Variants in ABCG1 observed in about 807,000 individuals in gnomAD.
ABCG1 encodes ATP-binding cassette sub-family G member 1.
In ABCG1, 29 loss-of-function variants were observed where a neutral mutation model predicts 69.2. The ratio of observed to expected loss-of-function variants is 0.42; its 90% CI spans 0.31 to 0.57. ABCG1 has a LOEUF of 0.57. Among genes scored for constraint, ABCG1 ranks in the 20% least tolerant of loss-of-function variants. The pLI, the probability that ABCG1 is intolerant of heterozygous loss-of-function variation, is 0.15. For synonymous variants in ABCG1, 370 were observed against 374.8 expected, an observed-to-expected ratio of 0.99 and a Z score of 0.15; for missense variants, 718 against 898.1, an observed-to-expected ratio of 0.80 and a Z score of 2.56.
chr21:42,243,445 CGCGTGT>C (rs57323059), intron 2 of ABCG1, among the ~76,000 whole-genome samples: 3,252 of 79,666 alleles, frequency 0.041, 45 homozygotes, highest in East Asian at 0.085. Context: ...CGTGTGTGTG[CGCGTGT>C]GTGTGTGTGT....
At chr21:42,293,673 CCACACTA>C (rs1465190929) in intron 13 of ABCG1, among the ~76,000 whole-genome samples, 5 of 144,572 alleles carry the variant, frequency 3.5e-5, no homozygotes, top group East Asian at 4.3e-4. Context: ...TACACACGCA[CCACACTA>C]CACACTACAC....
intron 2 of ABCG1, among the ~76,000 whole-genome samples, chr21:42,248,579 G>A (rs1226680424): frequency 2.6e-5 from 4 of 152,084 alleles, no homozygotes; most frequent in South Asian, 4.1e-4. Flanking sequence ...TGACCCAAAT[G>A]CTCATTGAAA....
Position 42,219,226 on chromosome 21 carries a change from C to T in ABCG1, c.-37C>T, listed in dbSNP as rs1247954761. ...CCCCGCAGCTCAAGCCTCGTCCCCG[C>T]CGCCGCCGCCGCCGCCGCCGCCGCC... On this transcript the variant is annotated 5_prime_UTR_variant, in exon 1 of 15. Coordinates refer to ENST00000398449, the MANE Select transcript of ABCG1 (RefSeq NM_016818.3). The surrounding 1 kb of genome is among the most constrained non-coding windows in gnomAD (Gnocchi z 5.3). 2 of 1,078,494 alleles carry T rather than the reference C, an allele frequency of 1.9e-6. No individual in the cohort carries two copies. Among genetic ancestry groups the T allele is most frequent in the Non-Finnish European group, 2.4e-6 (2 of 836,780 alleles). 66.8% of individuals were successfully genotyped at this position (1,078,494 alleles called of 1,614,324 possible). A position where few individuals can be genotyped will look rare whatever the true frequency, so the allele number is the denominator to read the frequency against.
intron 2 of ABCG1, among the ~76,000 whole-genome samples, chr21:42,254,748 A>C (rs946063282): frequency 2.0e-5 from 3 of 152,220 alleles, no homozygotes; most frequent in African/African-American, 4.8e-5. Flanking sequence ...TTCTGCCTTG[A>C]GCTTTCTCTT....
chr21:42,207,794 G>A (rs553218636), intron 2 of ABCG1, among the ~76,000 whole-genome samples: 1 of 152,184 alleles, frequency 6.6e-6, no homozygotes, highest in East Asian at 1.9e-4. Context: ...GCTGGGGGAG[G>A]TAGAAGACCT....
chr21:42,245,841 G>A (rs1175780856), intron 2 of ABCG1, among the ~76,000 whole-genome samples: 1 of 151,476 alleles, frequency 6.6e-6, no homozygotes. Flanking sequence ...AGCAGACTCT[G>A]ATGAGGAGGG....
At chr21:42,255,403 ATG>A (rs1242576491) in intron 2 of ABCG1, among the ~76,000 whole-genome samples, 2 of 151,966 alleles carry the variant, frequency 1.3e-5, no homozygotes, top group African/African-American at 2.4e-5. Flanking sequence ...CGTGTATGTG[ATG>A]TGTGTCTGAG....
Position 42,291,085 on chromosome 21 carries a change from C to G in ABCG1, c.1394-7C>G. ...TGACCCTTCTTTTTTGCTTTTCTAT[C>G]TCCTAGTTCCCCTGGAGATGGGAGT... On this transcript the variant is annotated splice_region_variant and splice_polypyrimidine_tract_variant and intron_variant, in intron 11 of 14. Transcript: ENST00000398449. This position sits in a 1 kb window ranked among gnomAD's most constrained non-coding sequence, Gnocchi z 6.4. 6.2e-7 allele frequency: 1 copy of G among 1,611,454 alleles called. No homozygotes were observed.
chr21:42,219,234 GCCGCCGCCGCCGCCGCCGCCC>G lies in ABCG1; in HGVS notation c.-25_-5del. 6.7e-7 allele frequency: 1 copy of G among 1,502,528 alleles called. No homozygotes were observed. The highest frequency in any genetic ancestry group is 8.9e-7 in the Non-Finnish European group (1 of 1,128,682). The allele number at this position is 1,502,528 out of a possible 1,614,324, so 93.1% of individuals were successfully genotyped here. On this transcript the variant is annotated 5_prime_UTR_variant, in exon 1 of 15. Coordinates refer to ENST00000398449, the MANE Select transcript of ABCG1 (RefSeq NM_016818.3). The surrounding 1 kb of genome is among the most constrained non-coding windows in gnomAD (Gnocchi z 5.3). ...CTCAAGCCTCGTCCCCGCCGCCGCC[GCCGCCGCCGCCGCCGCCGCCC>G]CCGGGGCATGGCCTGTCTGATGGCC...
intron 2 of ABCG1, among the ~76,000 whole-genome samples, chr21:42,258,440 A>G (rs225381): frequency 0.48 from 66,860 of 139,378 alleles, 15,752 homozygotes; most frequent in Middle Eastern, 0.69. Context: ...CTCCCTCCAT[A>G]TCTTCCTCCA....
chr21:42,281,311 G>A (rs894183265), intron 5 of ABCG1, among the ~76,000 whole-genome samples: 3 of 152,214 alleles, frequency 2.0e-5, no homozygotes, highest in Non-Finnish European at 4.4e-5. Context: ...GGTGAATGCT[G>A]GAGGGAGCTC....
rs563371057 is a variant in ABCG1, at chr21:42,273,549, G to A, written c.537+114G>A. ...GCGAGGGACCCAAGGGCTCTGCCAC[G>A]CGGCCTGCACAGGGCCAGCAACCTC... On this transcript the variant is annotated intron_variant, in intron 4 of 14. Transcript: ENST00000398449. This position sits in a 1 kb window ranked among gnomAD's most constrained non-coding sequence, Gnocchi z 5.3. The A allele has an allele frequency of 6.9e-6, 9 of 1,306,558 alleles. No individual in the cohort carries two copies. Among genetic ancestry groups the A allele is most frequent in the African/African-American group, 1.5e-5 (1 of 65,876 alleles). The allele number at this position is 1,306,558 out of a possible 1,614,324, so 80.9% of individuals were successfully genotyped here.
rs1453888469 is a variant in ABCG1, at chr21:42,283,960, C to CT, written c.735-600_735-599insT. 7.9e-3 allele frequency among the ~76,000 whole-genome samples: 2 copies of CT among 254 alleles called. 1 individual carries two copies. The highest frequency in any genetic ancestry group is 0.048 in the African/African-American group (2 of 42). 0.2% of individuals were successfully genotyped at this position (254 alleles called of 152,430 possible). On this transcript the variant is annotated intron_variant, in intron 6 of 14. Transcript: ENST00000398449. ...TCCCGCCTGGACAGTTGCGAAGTCC[C>CT]CCCCGCCCAGATGAGTGGGGACCCC...
chr21:42,273,548 C>G lies in ABCG1; in HGVS notation c.537+113C>G. 7.6e-7 allele frequency: 1 copy of G among 1,310,448 alleles called. No individual in the cohort carries two copies. The highest frequency in any genetic ancestry group is 1.4e-5 in the South Asian group (1 of 69,142). The allele number at this position is 1,310,448 out of a possible 1,614,324, so 81.2% of individuals were successfully genotyped here. A position where few individuals can be genotyped will look rare whatever the true frequency, so the allele number is the denominator to read the frequency against. On this transcript the variant is annotated intron_variant, in intron 4 of 14. Coordinates refer to ENST00000398449, the MANE Select transcript of ABCG1 (RefSeq NM_016818.3). This position sits in a 1 kb window ranked among gnomAD's most constrained non-coding sequence, Gnocchi z 5.3. ...TGCGAGGGACCCAAGGGCTCTGCCA[C>G]GCGGCCTGCACAGGGCCAGCAACCT...
chr21:42,273,931 T>C lies in ABCG1; in HGVS notation c.537+496T>C, dbSNP rs1394095041. 6.6e-6 allele frequency among the ~76,000 whole-genome samples: 1 copy of C among 151,412 alleles called. No homozygotes were observed. Among genetic ancestry groups the C allele is most frequent in the Non-Finnish European group, 1.5e-5 (1 of 67,814 alleles). On this transcript the variant is annotated intron_variant, in intron 4 of 14. Transcript: ENST00000398449. The surrounding 1 kb of genome is among the most constrained non-coding windows in gnomAD (Gnocchi z 5.3). ...CAGCAGTGGCCGAGCATCTCCTGGG[T>C]CCCAGGCCCTGAGCACATAGCTCTA...
intron 2 of ABCG1, among the ~76,000 whole-genome samples, chr21:42,228,275 C>T (rs929399845): frequency 1.3e-5 from 2 of 152,174 alleles, no homozygotes; most frequent in Non-Finnish European, 2.9e-5. Flanking sequence ...GCCCATGACT[C>T]AGAAATGGGT....
chr21:42,289,765 A>G (rs1359910651), intron 10 of ABCG1, among the ~76,000 whole-genome samples: 1 of 152,130 alleles, frequency 6.6e-6, no homozygotes, highest in African/African-American at 2.4e-5. Context: ...CCATTTTTAA[A>G]TCTTTTACAA....
At chr21:42,214,891 T>C (rs369379059), upstream of ABCG1, among the ~76,000 whole-genome samples, 125 of 152,298 alleles carry the variant, frequency 8.2e-4, no homozygotes, top group Middle Eastern at 0.017. Context: ...GTGGGAATGG[T>C]GCAGAGAGGA....
rs76862807 is a variant in ABCG1, at chr21:42,270,748, G to A, written c.287-322G>A. Among the ~76,000 whole-genome samples, 9 of 152,240 alleles carry A rather than the reference G, an allele frequency of 5.9e-5. No homozygotes were observed. The East Asian group carries it at 9.6e-4, about 16-fold the overall frequency. ...CTTGGGCAGGTCACCTGGGCCCACC[G>A]GACATCGCTTCCTCACTCTGAGACG... On this transcript the variant is annotated intron_variant, in intron 2 of 14. Transcript: ENST00000398449.
Sources: gnomAD v4.1 joint callset for allele counts (sites outside exome capture counted in the v4.1 genomes callset) on GRCh38, gnomAD v4.1.1 for gene constraint, Gnocchi (gnomAD v3.1) non-coding constraint, MANE v1.5 for transcripts, NCBI Gene and HGNC (gene_info 2026-07-23, HGNC 2026-07-21) for gene names.